The following TIAM2 variants were observed in gnomAD, a reference collection of about 807,000 sequenced individuals.
TIAM2 encodes rho guanine nucleotide exchange factor TIAM2.
Under a neutral mutation model 152.9 loss-of-function variants are expected in TIAM2, and 80 were observed. The ratio of observed to expected loss-of-function variants is 0.52; its 90% CI spans 0.44 to 0.63. TIAM2 has a LOEUF of 0.63. TIAM2 is among the 30% of genes least tolerant of loss of function. The pLI is 0.00. For missense variants in TIAM2, 1,965 were observed against 2,120.1 expected (o/e 0.93, Z 1.44); for synonymous variants, 804 against 838.0 (o/e 0.96, Z 0.70).
intron 1 of TIAM2, among the ~76,000 whole-genome samples, chr6:155,057,402 A>G (rs1186662239): frequency 6.6e-6 from 1 of 151,960 alleles, no homozygotes; most frequent in Non-Finnish European, 1.5e-5. Flanking sequence ...GCAAAGTGCC[A>G]TTGTTATCAC....
Position 155,144,793 on chromosome 6 carries a change from T to C in TIAM2, c.1803+15T>C. 6.3e-7 allele frequency: 1 copy of C among 1,599,224 alleles called. No individual in the cohort carries two copies. On this transcript the variant is annotated intron_variant, in intron 6 of 26. Transcript: ENST00000682666. The stretch of plus-strand genomic sequence containing the variant: ...ACCTTTTCCAGGTACTGCTGGTACT[T>C]TGTAAGTGGAGGTAATAGCTTATGT...
rs1043523032 is a variant in TIAM2, at chr6:155,045,210, G to A, written c.-208-45079G>A. 8.6e-5 allele frequency among the ~76,000 whole-genome samples: 13 copies of A among 151,908 alleles called. No homozygotes were observed. In the East Asian group the frequency reaches 2.5e-3, roughly 29 times the overall value. On this transcript the variant is annotated intron_variant, in intron 1 of 26. Coordinates refer to ENST00000682666, the MANE Select transcript of TIAM2 (RefSeq NM_012454.4). The stretch of plus-strand genomic sequence containing the variant: ...GCCTCCGTAGTAGCTGGGATTGCAG[G>A]CGCACACCACCACACCTGGCTTTTT...
intron 1 of TIAM2, among the ~76,000 whole-genome samples, chr6:155,024,148 G>A (rs951142676): frequency 2.0e-5 from 3 of 152,166 alleles, no homozygotes; most frequent in Non-Finnish European, 2.9e-5. Flanking sequence ...TTCAGACTGC[G>A]TCTTGCTGGC....
chr6:155,091,317 G>C (rs1486730554), intron 2 of TIAM2, among the ~76,000 whole-genome samples: 1 of 152,152 alleles, frequency 6.6e-6, no homozygotes, highest in Non-Finnish European at 1.5e-5. Flanking sequence ...CTTCCTTAGA[G>C]CAGAAGCTCC....
intron 15 of TIAM2, among the ~76,000 whole-genome samples, chr6:155,234,003 T>TTGGG (rs1562364586): frequency 6.8e-6 from 1 of 147,258 alleles, no homozygotes; most frequent in Non-Finnish European, 1.5e-5. Flanking sequence ...AAATTTTTTT[T>TTGGG]GGGGGGGGGT....
At chr6:155,031,384 T>A (rs1299410184) in intron 1 of TIAM2, among the ~76,000 whole-genome samples, 2 of 152,190 alleles carry the variant, frequency 1.3e-5, no homozygotes, top group African/African-American at 2.4e-5. Context: ...TCTGTAATAT[T>A]TTTTAGTAGC....
chr6:155,170,573 C>T (rs1273019444), intron 9 of TIAM2, among the ~76,000 whole-genome samples: 1 of 152,156 alleles, frequency 6.6e-6, no homozygotes, highest in Non-Finnish European at 1.5e-5. Flanking sequence ...TGCACTCTGA[C>T]CTGGGTGGCA....
Position 155,046,288 on chromosome 6 carries a change from A to G in TIAM2, c.-208-44001A>G, listed in dbSNP as rs1398061610. ...TCTTTAAGGTAATCATTTTCCTTGT[A>G]ATTTTATGGCTAGCCTTAGAGGAAG... On this transcript the variant is annotated intron_variant, in intron 1 of 26. Transcript: ENST00000682666. 3.4e-5 allele frequency among the ~76,000 whole-genome samples: 5 copies of G among 148,668 alleles called. No individual in the cohort carries two copies. In the South Asian group the frequency reaches 1.1e-3, roughly 32 times the overall value.
chr6:155,024,250 C>A (rs1776556421), intron 1 of TIAM2, among the ~76,000 whole-genome samples: 1 of 152,126 alleles, frequency 6.6e-6, no homozygotes, highest in Non-Finnish European at 1.5e-5. Flanking sequence ...AATTCTATAT[C>A]TGCTTTAGGA....
chr6:155,244,353 C>A (rs571084298), intron 17 of TIAM2, among the ~76,000 whole-genome samples: 1 of 152,286 alleles, frequency 6.6e-6, no homozygotes, highest in Non-Finnish European at 1.5e-5. Context: ...TCAATACATA[C>A]CTTTGTAATG....
In TIAM2 at chr6:155,240,622, G is replaced by C. The variant is rs750892540; in HGVS notation, c.3261G>C (p.Pro1087=). Residue 1087 remains proline, a synonymous_variant, in exon 16 of 27, where the codon CCG becomes CCC. Coordinates refer to ENST00000682666, the MANE Select transcript of TIAM2 (RefSeq NM_012454.4). ...EGPRENQDPP[P]RSLARHLSDA... ...CGCGGGAGAATCAGGATCCTCCTCCGAGGTCTCTGGCCCGCCACCTGTCTG... is the reference window on the plus strand; with the variant it reads ...CGCGGGAGAATCAGGATCCTCCTCCCAGGTCTCTGGCCCGCCACCTGTCTG... 1 of 1,614,118 alleles carries C rather than the reference G, an allele frequency of 6.2e-7. No individual in the cohort carries two copies. Among genetic ancestry groups the C allele is most frequent in the South Asian group, 1.1e-5 (1 of 91,088 alleles).
At chr6:155,003,497 A>G (rs1200472111) in intron 1 of TIAM2, among the ~76,000 whole-genome samples, 1 of 152,102 alleles carries the variant, frequency 6.6e-6, no homozygotes, top group Non-Finnish European at 1.5e-5. Flanking sequence ...AAAAGAAATT[A>G]CTTGTCCCCA....
intron 14 of TIAM2, among the ~76,000 whole-genome samples, chr6:155,194,156 G>A (rs1026752323): frequency 6.6e-6 from 1 of 152,174 alleles, no homozygotes; most frequent in African/African-American, 2.4e-5. Context: ...GTAGATGAGG[G>A]GGCATAGAGC....
intron 2 of TIAM2, among the ~76,000 whole-genome samples, chr6:155,097,063 A>G (rs562198601): frequency 1.9e-4 from 29 of 152,258 alleles, no homozygotes; most frequent in African/African-American, 5.3e-4. Context: ...GTGAGATGAT[A>G]TCTCATTGTA....
chr6:155,051,333 C>G (rs1777312527), intron 1 of TIAM2, among the ~76,000 whole-genome samples: 2 of 152,182 alleles, frequency 1.3e-5, no homozygotes, highest in East Asian at 3.9e-4. Context: ...TTACTCCCAT[C>G]CATGGGTGCC....
intron 1 of TIAM2, among the ~76,000 whole-genome samples, chr6:154,998,433 T>C (rs1778257902): frequency 6.6e-6 from 1 of 152,186 alleles, no homozygotes; most frequent in African/African-American, 2.4e-5. Context: ...ATCACAGTTT[T>C]ATGCATGAAA....
chr6:155,012,873 C>G (rs1187994042), intron 1 of TIAM2, among the ~76,000 whole-genome samples: 1 of 152,206 alleles, frequency 6.6e-6, no homozygotes, highest in Non-Finnish European at 1.5e-5. Context: ...TTTAGAAATA[C>G]TAAAAACAGA....
intron 2 of TIAM2, among the ~76,000 whole-genome samples, chr6:155,098,846 G>T (rs1304672689): frequency 1.3e-5 from 2 of 152,152 alleles, no homozygotes; most frequent in Non-Finnish European, 2.9e-5. Context: ...GTCATTTGAT[G>T]ATATTATTGG....
intron 2 of TIAM2, among the ~76,000 whole-genome samples, chr6:155,120,375 C>T (rs914848475): frequency 6.6e-6 from 1 of 152,222 alleles, no homozygotes; most frequent in African/African-American, 2.4e-5. Flanking sequence ...GTAAGGATTA[C>T]TCTTCCTAAG....
Sources: allele counts gnomAD v4.1 joint callset (sites outside exome capture counted in the v4.1 genomes callset), GRCh38; gene constraint gnomAD v4.1.1; transcripts MANE v1.5; gene names NCBI Gene and HGNC (gene_info 2026-07-23, HGNC 2026-07-21).